CYB5A: variants seen among roughly 807,000 people sequenced by gnomAD.
CYB5A encodes cytochrome b5 type A.
In CYB5A, 10 loss-of-function variants were observed where a neutral mutation model predicts 16.2. That is an observed-to-expected ratio of 0.62 (90% confidence interval 0.38 to 1.04). The LOEUF is 1.04. Among genes scored for constraint, CYB5A ranks in the 50% least tolerant of loss-of-function variants. CYB5A has a pLI of 0.01. For synonymous variants in CYB5A, 62 were observed against 57.0 expected, an observed-to-expected ratio of 1.09 and a Z score of -0.40; for missense variants, 161 against 165.9, an observed-to-expected ratio of 0.97 and a Z score of 0.16.
chr18:74,291,637 C>T lies in CYB5A; in HGVS notation c.129+110G>A, dbSNP rs901639694. The T allele has an allele frequency of 9.2e-6, 14 of 1,516,210 alleles. No individual in the cohort carries two copies. In the Admixed American group the frequency reaches 2.3e-4, roughly 25 times the overall value. The allele number at this position is 1,516,210 out of a possible 1,614,324, so 93.9% of individuals were successfully genotyped here. Reference sequence around the variant, plus strand: ...CGCAGGTGAGCGAACTCGGGGGGCGCGCCTAGGCGTAGGTATGCGGACTCC... The same window carrying T: ...CGCAGGTGAGCGAACTCGGGGGGCGTGCCTAGGCGTAGGTATGCGGACTCC... On this transcript the variant is annotated intron_variant, in intron 1 of 4. Transcript: ENST00000340533.
intron 1 of CYB5A, among the ~76,000 whole-genome samples, chr18:74,290,651 C>T (rs1049284272): frequency 6.6e-6 from 1 of 152,086 alleles, no homozygotes; most frequent in East Asian, 1.9e-4. Flanking sequence ...TATTTTTGTC[C>T]CCTGCTCCCC....
In CYB5A at chr18:74,263,333, C is replaced by A. The variant is rs199556511; in HGVS notation, c.258+16G>T. 3.1e-6 allele frequency: 5 copies of A among 1,613,790 alleles called. No homozygotes were observed. The Middle Eastern group carries it at 6.6e-4, about 213-fold the overall frequency. On this transcript the variant is annotated intron_variant, in intron 2 of 4. Coordinates refer to ENST00000340533, the MANE Select transcript of CYB5A (RefSeq NM_148923.4). ...CCTTAAATACAAATAAGAAAGGGCC[C>A]CCAAAATGTACTTACTGGATGGAGC...
chr18:74,274,264 G>A (rs764718062), intron 1 of CYB5A, among the ~76,000 whole-genome samples: 6 of 152,150 alleles, frequency 3.9e-5, no homozygotes, highest in Non-Finnish European at 5.9e-5. Context: ...TATACACAAC[G>A]AGCGATGTTT....
intron 1 of CYB5A, among the ~76,000 whole-genome samples, chr18:74,279,364 C>G (rs956052856): frequency 5.9e-5 from 9 of 152,138 alleles, no homozygotes; most frequent in Non-Finnish European, 1.2e-4. Flanking sequence ...TCTGTCTCTA[C>G]TAAAAAATAC....
intron 2 of CYB5A, 101 bp downstream of exon 2, chr18:74,263,248 T>C (rs1982284374): frequency 6.7e-7 from 1 of 1,501,372 alleles, no homozygotes; most frequent in African/African-American, 1.4e-5. Context: ...GTTTTTGCTT[T>C]ACTCCTTTTA....
intron 3 of CYB5A, chr18:74,258,080 TGG>T (rs1424512584): frequency 5.9e-5 from 9 of 152,182 alleles, no homozygotes; most frequent in Non-Finnish European, 1.2e-4. Context: ...TAAACTTTAG[TGG>T]GAAGCCTATC....
intron 3 of CYB5A, chr18:74,256,942 T>A: frequency 8.8e-7 from 1 of 1,137,894 alleles, no homozygotes; most frequent in Non-Finnish European, 1.3e-6. Context: ...TCTTAGCATC[T>A]ATAAAAAGTA....
intron 3 of CYB5A, 122 bp from the exon 4 acceptor site, chr18:74,255,897 C>G (rs3737453): frequency 1.5e-5 from 11 of 758,622 alleles, no homozygotes; most frequent in Non-Finnish European, 2.5e-5. Context: ...CAGAAGATGT[C>G]GAAAGGGAAA....
intron 1 of CYB5A, among the ~76,000 whole-genome samples, chr18:74,288,449 T>C (rs1445807156): frequency 2.0e-5 from 3 of 152,218 alleles, no homozygotes; most frequent in African/African-American, 7.2e-5. Flanking sequence ...GATAAATCTT[T>C]CCTATTTAGG....
intron 1 of CYB5A, among the ~76,000 whole-genome samples, chr18:74,276,606 A>T (rs545968377): frequency 6.6e-6 from 1 of 151,764 alleles, no homozygotes; most frequent in African/African-American, 2.4e-5. Flanking sequence ...TGTCACTATT[A>T]AACAGTCAAA....
chr18:74,254,322 C>T (rs1252663175), intron 4 of CYB5A, among the ~76,000 whole-genome samples: 1 of 150,898 alleles, frequency 6.6e-6, no homozygotes, highest in African/African-American at 2.4e-5. Flanking sequence ...TCTTTACTAC[C>T]TGTGCTGAAG....
chr18:74,253,232 C>A lies in CYB5A; in HGVS notation c.*352G>T. On this transcript the variant is annotated 3_prime_UTR_variant, in exon 5 of 5. Transcript: ENST00000340533. ...TGGATGAGTAACACATTGAAGGAAT[C>A]CTCTAAATAACCAGATTCTAAACAT... 1 of 322,662 alleles carries A rather than the reference C, an allele frequency of 3.1e-6. No homozygotes were observed. Among genetic ancestry groups the A allele is most frequent in the South Asian group, 2.6e-5 (1 of 38,622 alleles). The allele number at this position is 322,662 out of a possible 1,614,324, so 20.0% of individuals were successfully genotyped here.
intron 2 of CYB5A, 158 bp from the exon 3 acceptor site, chr18:74,261,102 T>A: frequency 1.5e-6 from 1 of 647,718 alleles, no homozygotes; most frequent in Non-Finnish European, 2.8e-6. Flanking sequence ...CCATCTGATT[T>A]AACAGCAAAA....
Position 74,260,914 on chromosome 18 carries a change from C to T in CYB5A, c.288+1G>A. The T allele has an allele frequency of 6.2e-7, 1 of 1,612,016 alleles. No individual in the cohort carries two copies. Among genetic ancestry groups the T allele is most frequent in the African/African-American group, 1.3e-5 (1 of 75,016 alleles). ...GAGATACTTGAGATGGTCACACTTA[C>T]CGGAGGCTTGTTTAACTTTGGTCTG... is the stretch of plus-strand genomic sequence containing the variant. On this transcript the variant is annotated splice_donor_variant, in intron 3 of 4. Transcript: ENST00000340533. LOFTEE classifies it high-confidence loss of function.
At position 74,251,324 on chromosome 18, in the gene CYB5A, A is replaced by G. The variant is rs1981769460; in HGVS notation, c.*2260T>C. The G allele has an allele frequency of 6.6e-6, 1 of 152,654 alleles. No individual in the cohort carries two copies. The highest frequency in any genetic ancestry group is 2.1e-4 in the South Asian group (1 of 4,846). The allele number at this position is 152,654 out of a possible 1,614,324, so 9.5% of individuals were successfully genotyped here. A position where few individuals can be genotyped will look rare whatever the true frequency, so the allele number is the denominator to read the frequency against. On this transcript the variant is annotated 3_prime_UTR_variant, in exon 5 of 5. Coordinates refer to ENST00000340533, the MANE Select transcript of CYB5A (RefSeq NM_148923.4). ...AGGGAGACATGAGACATTGATCAAT[A>G]TATGTAAGAAGTACATTGGTTCTGT...
intron 2 of CYB5A, 126 bp from the exon 3 acceptor site, chr18:74,261,070 G>T: frequency 1.3e-6 from 1 of 759,410 alleles, no homozygotes; most frequent in Non-Finnish European, 2.3e-6. Context: ...TCAACATTTA[G>T]CTATTAAACA....
At chr18:74,291,509 C>T (rs1383708464) in intron 1 of CYB5A, among the ~76,000 whole-genome samples, 6 of 147,272 alleles carry the variant, frequency 4.1e-5, no homozygotes, top group Admixed American at 4.0e-4. Context: ...TCGGGGAGCG[C>T]TCCCAGGTGT....
intron 1 of CYB5A, among the ~76,000 whole-genome samples, chr18:74,269,770 C>A (rs1568218867): frequency 6.6e-6 from 1 of 152,196 alleles, no homozygotes; most frequent in Non-Finnish European, 1.5e-5. Context: ...CCTCTCACCA[C>A]TTCCCCTGCT....
chr18:74,260,930 C>T lies in CYB5A; in HGVS notation c.273G>A (p.Lys91=). ...IGELHPDDRP[K]LNKPPETLIT... Reference sequence around the variant, plus strand: ...TCACACTTACCGGAGGCTTGTTTAACTTTGGTCTGTCATCCTGCAATGAAA... The same window carrying T: ...TCACACTTACCGGAGGCTTGTTTAATTTTGGTCTGTCATCCTGCAATGAAA... The change falls in exon 3 of 5, where the codon AAG becomes AAA. Residue 91 remains lysine (K), a synonymous_variant. Transcript: ENST00000340533. 6.2e-7 allele frequency: 1 copy of T among 1,612,858 alleles called. No individual in the cohort carries two copies. The highest frequency in any genetic ancestry group is 1.1e-5 in the South Asian group (1 of 91,064).
Sources: gnomAD v4.1 joint callset for allele counts (sites outside exome capture counted in the v4.1 genomes callset) on GRCh38, gnomAD v4.1.1 for gene constraint, MANE v1.5 for transcripts, NCBI Gene and HGNC (gene_info 2026-07-23, HGNC 2026-07-21) for gene names.